PLAC8: variants seen among roughly 807,000 people sequenced by gnomAD.
PLAC8 encodes placenta-specific gene 8 protein.
Under a neutral mutation model 12.6 loss-of-function variants are expected in PLAC8, and 6 were observed. That is an observed-to-expected ratio of 0.48 (90% CI 0.26 to 0.94). The LOEUF (loss-of-function observed/expected upper bound fraction) is 0.94. Among genes scored for constraint, PLAC8 ranks in the 40% least tolerant of loss-of-function variants. The pLI is 0.14. For missense variants in PLAC8, 122 were observed against 152.7 expected, an observed-to-expected ratio of 0.80 and a Z score of 1.06; for synonymous variants, 54 against 52.6, an observed-to-expected ratio of 1.03 and a Z score of -0.11.
chr4:83,103,578 A>C (rs1251839382), intron 3 of PLAC8, among the ~76,000 whole-genome samples: 6 of 152,336 alleles, frequency 3.9e-5, no homozygotes, highest in African/African-American at 1.2e-4. Context: ...ATTGTAGGTA[A>C]AATGCTACCA....
chr4:83,111,571 A>G (rs1016011481), intron 1 of PLAC8, among the ~76,000 whole-genome samples: 4 of 152,222 alleles, frequency 2.6e-5, no homozygotes, highest in African/African-American at 4.8e-5. Flanking sequence ...CCCTTAGCCA[A>G]TGCTTGGCAT....
At chr4:83,098,748 T>A (rs995091917) in intron 3 of PLAC8, among the ~76,000 whole-genome samples, 6 of 132,082 alleles carry the variant, frequency 4.5e-5, no homozygotes, top group African/African-American at 1.1e-4. Flanking sequence ...TTTTTTTTTT[T>A]AATTTTTTTG....
chr4:83,110,271 T>C (rs995435168), intron 1 of PLAC8, among the ~76,000 whole-genome samples: 3 of 122,932 alleles, frequency 2.4e-5, no homozygotes, highest in African/African-American at 9.5e-5. Flanking sequence ...CTGATTTGAA[T>C]GCTTATTAGA....
intron 3 of PLAC8, among the ~76,000 whole-genome samples, chr4:83,097,216 C>G (rs186923692): frequency 5.9e-4 from 90 of 152,022 alleles, no homozygotes; most frequent in African/African-American, 2.1e-3. Flanking sequence ...CTGTCTGTCT[C>G]TATTTACATG....
chr4:83,107,217 A>AC (rs1732266716), intron 2 of PLAC8, among the ~76,000 whole-genome samples: 2 of 124,758 alleles, frequency 1.6e-5, no homozygotes, highest in African/African-American at 3.1e-5. Flanking sequence ...AAACAAAAAA[A>AC]AAAAACAAAA....
intron 3 of PLAC8, among the ~76,000 whole-genome samples, chr4:83,099,463 C>T (rs1732030098): frequency 1.3e-5 from 2 of 152,002 alleles, no homozygotes; most frequent in African/African-American, 2.4e-5. Context: ...TCTGTTATGG[C>T]CACCTGTGAT....
intron 3 of PLAC8, among the ~76,000 whole-genome samples, chr4:83,104,497 T>C (rs1344320367): frequency 6.6e-6 from 1 of 152,216 alleles, no homozygotes; most frequent in African/African-American, 2.4e-5. Flanking sequence ...ACTCTTTCTC[T>C]ACTATTATCT....
intron 3 of PLAC8, among the ~76,000 whole-genome samples, chr4:83,101,666 C>T (rs542602716): frequency 1.3e-4 from 20 of 152,256 alleles, no homozygotes; most frequent in African/African-American, 4.6e-4. Context: ...AGGAGAAGTC[C>T]GTGCCTGTAT....
intron 2 of PLAC8, among the ~76,000 whole-genome samples, chr4:83,107,443 A>T (rs1266181081): frequency 6.6e-6 from 1 of 151,904 alleles, no homozygotes; most frequent in Non-Finnish European, 1.5e-5. Context: ...CAGTCTTTCT[A>T]AAAAAATCAA....
chr4:83,111,036 A>G (rs796712884), intron 1 of PLAC8, among the ~76,000 whole-genome samples: 3 of 152,238 alleles, frequency 2.0e-5, no homozygotes, highest in African/African-American at 7.2e-5. Flanking sequence ...CACGATCATA[A>G]TTCACTGCAG....
At chr4:83,098,443 A>C (rs558891418) in intron 3 of PLAC8, among the ~76,000 whole-genome samples, 1 of 152,368 alleles carries the variant, frequency 6.6e-6, no homozygotes, top group South Asian at 2.1e-4. Flanking sequence ...TAAAAAGTTT[A>C]TGAAAATCTT....
intron 3 of PLAC8, among the ~76,000 whole-genome samples, chr4:83,096,593 G>A (rs1480411000): frequency 2.0e-5 from 3 of 152,120 alleles, no homozygotes; most frequent in Non-Finnish European, 4.4e-5. Flanking sequence ...ATAATTTGCT[G>A]TGTAGGCTCT....
At chr4:83,097,429 G>A (rs150043613) in intron 3 of PLAC8, among the ~76,000 whole-genome samples, 53 of 152,282 alleles carry the variant, frequency 3.5e-4, no homozygotes, top group African/African-American at 1.2e-3. Context: ...GGTAAAATAA[G>A]TTGTCTTGAA....
chr4:83,114,433 C>T (rs943484986), intron 1 of PLAC8, among the ~76,000 whole-genome samples: 10 of 152,118 alleles, frequency 6.6e-5, no homozygotes, highest in Admixed American at 5.9e-4. Context: ...AGGCTGGGAT[C>T]TTACACTACT....
Position 83,107,930 on chromosome 4 carries a change from C to T in PLAC8, c.-9G>A. On this transcript the variant is annotated 5_prime_UTR_variant, in exon 2 of 5. Transcript: ENST00000311507. The stretch of plus-strand genomic sequence containing the variant: ...GGCGCCTGAGCTTGCATTTTCAGTG[C>T]AGGGCCTTAAAAGCAGTGGACTGAA... The T allele has an allele frequency of 2.0e-6, 3 of 1,471,076 alleles. No individual in the cohort carries two copies. The highest frequency in any genetic ancestry group is 2.0e-5 in the Admixed American group (1 of 50,070). The allele number at this position is 1,471,076 out of a possible 1,614,324, so 91.1% of individuals were successfully genotyped here.
rs1293633279 is a variant in PLAC8 at position 83,104,882 on chromosome 4, G to T, written c.243+14C>A. Reference sequence around the variant, plus strand: ...GGTGCATATTTGAGTGAGATGGTATGGTAAGAGACTCACAGGGATGCCATA... The same window carrying T: ...GGTGCATATTTGAGTGAGATGGTATTGTAAGAGACTCACAGGGATGCCATA... On this transcript the variant is annotated intron_variant, in intron 3 of 4. Transcript: ENST00000311507. 1 of 1,613,214 alleles carries T rather than the reference G, an allele frequency of 6.2e-7. No individual in the cohort carries two copies. The highest frequency in any genetic ancestry group is 1.1e-5 in the South Asian group (1 of 91,054).
At chr4:83,113,432 C>T (rs913840040) in intron 1 of PLAC8, among the ~76,000 whole-genome samples, 5 of 152,178 alleles carry the variant, frequency 3.3e-5, no homozygotes, top group African/African-American at 1.2e-4. Context: ...TTGTAACCCA[C>T]GACCAGTGGC....
Position 83,107,870 on chromosome 4 carries a change from C to G in PLAC8, c.52G>C (p.Gly18Arg), listed in dbSNP as rs374282306. 5.6e-6 allele frequency: 9 copies of G among 1,601,360 alleles called. No individual in the cohort carries two copies. Among genetic ancestry groups the G allele is most frequent in the Middle Eastern group, 1.7e-4 (1 of 6,036 alleles). Reference sequence around the variant, plus strand: ...CAGTTGGAGTTCTGGGGGGCCGGACCGGGACCGACTCCAGGTTGGGTCACA... The same window carrying G: ...CAGTTGGAGTTCTGGGGGGCCGGACGGGGACCGACTCCAGGTTGGGTCACA... ...VVVTQPGVGP[G>R]PAPQNSNWQT... The change falls in exon 2 of 5, where the codon GGT becomes CGT. Residue 18 changes from glycine to arginine, a missense_variant. Transcript: ENST00000311507.
At chr4:83,098,527 A>T (rs1028159853) in intron 3 of PLAC8, among the ~76,000 whole-genome samples, 1 of 152,238 alleles carries the variant, frequency 6.6e-6, no homozygotes, top group African/African-American at 2.4e-5. Context: ...AGCACCAAAG[A>T]TGCACTAATG....
Sources: gnomAD v4.1 joint callset for allele counts (sites outside exome capture counted in the v4.1 genomes callset) on GRCh38, gnomAD v4.1.1 for gene constraint, MANE v1.5 for transcripts, NCBI Gene and HGNC (gene_info 2026-07-23, HGNC 2026-07-21) for gene names.